Variants in CSMD2 observed in about 807,000 individuals in gnomAD.
CSMD2 encodes CUB and sushi domain-containing protein 2.
CSMD2 carries 130 observed loss-of-function variants against 398.5 expected under a neutral mutation model. That is an observed-to-expected ratio of 0.33 (90% CI 0.28 to 0.38). The LOEUF (loss-of-function observed/expected upper bound fraction) is 0.38, where lower values mean the gene tolerates loss of function less well. Among genes scored for constraint, CSMD2 ranks in the 10% least tolerant of loss-of-function variants. The pLI is 1.00. For missense variants in CSMD2, 3,829 were observed against 4,764.9 expected, an observed-to-expected ratio of 0.80 and a Z score of 5.78; for synonymous variants, 1,828 against 1,908.5, an observed-to-expected ratio of 0.96 and a Z score of 1.10.
At chr1:33,821,303 C>G (rs774071628) in intron 7 of CSMD2, among the ~76,000 whole-genome samples, 1 of 152,198 alleles carries the variant, frequency 6.6e-6, no homozygotes, top group Non-Finnish European at 1.5e-5. Flanking sequence ...GAAGCTTGGT[C>G]AGGGGGCAGC....
chr1:34,143,175 A>C (rs895789547), intron 1 of CSMD2, among the ~76,000 whole-genome samples: 7 of 152,124 alleles, frequency 4.6e-5, no homozygotes, highest in African/African-American at 1.7e-4. Context: ...AAAATCTAGC[A>C]CAGTGCCTGG....
chr1:33,754,233 G>A (rs573662724), intron 13 of CSMD2, among the ~76,000 whole-genome samples: 15 of 152,270 alleles, frequency 9.9e-5, no homozygotes, highest in African/African-American at 2.9e-4. Context: ...AATGGGGTTA[G>A]ATTCTTCATG....
intron 25 of CSMD2, among the ~76,000 whole-genome samples, chr1:33,677,779 T>C (rs1644767159): frequency 6.6e-6 from 1 of 151,520 alleles, no homozygotes; most frequent in Non-Finnish European, 1.5e-5. Context: ...TATGCAGCCA[T>C]AAAAAATGGT....
At chr1:33,908,286 C>G (rs545576731) in intron 5 of CSMD2, among the ~76,000 whole-genome samples, 3 of 152,068 alleles carry the variant, frequency 2.0e-5, no homozygotes, top group Non-Finnish European at 4.4e-5. Context: ...AAACAGAGAC[C>G]AGGAGGGGGC....
rs181242136 is a variant in CSMD2, at chr1:33,857,016, T to C, written c.921-10020A>G. Reference sequence around the variant, plus strand: ...GTAGACTCGTAGGCAAAGGGAATAATATTTACTGAGTAGAAACTAATTTGG... The same window carrying C: ...GTAGACTCGTAGGCAAAGGGAATAACATTTACTGAGTAGAAACTAATTTGG... On this transcript the variant is annotated intron_variant, in intron 5 of 70. Transcript: ENST00000373381. Among the ~76,000 whole-genome samples, 406 of 152,178 alleles carry C rather than the reference T, an allele frequency of 2.7e-3. 1 individual carries two copies. Among genetic ancestry groups the C allele is most frequent in the Non-Finnish European group, 2.9e-3 (200 of 68,018 alleles).
chr1:33,640,874 G>T (rs1387912140), intron 29 of CSMD2, among the ~76,000 whole-genome samples: 1 of 152,192 alleles, frequency 6.6e-6, no homozygotes, highest in Admixed American at 6.5e-5. Flanking sequence ...GAATAGGGGT[G>T]GTAGCAGGTG....
intron 50 of CSMD2, 28 bp downstream of exon 50, chr1:33,572,478 C>T: frequency 6.6e-7 from 1 of 1,523,396 alleles, no homozygotes; most frequent in Non-Finnish European, 8.9e-7. Context: ...CCCTTCCTTA[C>T]ACCCGCCTCC....
intron 28 of CSMD2, among the ~76,000 whole-genome samples, chr1:33,651,894 G>T (rs2148966743): frequency 6.6e-6 from 1 of 152,190 alleles, no homozygotes; most frequent in South Asian, 2.1e-4. Flanking sequence ...TTCTGTAGCA[G>T]GAATGGAAAA....
At chr1:33,626,603 A>G in intron 32 of CSMD2, 22 bp from the exon 33 acceptor site, 2 of 1,558,930 alleles carry the variant, frequency 1.3e-6, no homozygotes, top group Non-Finnish European at 8.7e-7. Flanking sequence ...AGGGGCAAGG[A>G]GGAGAGAACA....
intron 5 of CSMD2, chr1:33,862,933 A>T (rs1639654379): frequency 6.6e-6 from 1 of 152,230 alleles, no homozygotes; most frequent in Admixed American, 6.5e-5. Flanking sequence ...GTCTAGTCTT[A>T]GGCAAGTTTC....
intron 37 of CSMD2, among the ~76,000 whole-genome samples, chr1:33,619,627 G>A (rs908671785): frequency 3.3e-5 from 5 of 152,130 alleles, no homozygotes; most frequent in African/African-American, 1.2e-4. Context: ...ACAAATGCCT[G>A]TACCTTTGTA....
intron 2 of CSMD2, among the ~76,000 whole-genome samples, chr1:34,040,502 T>A (rs1287887167): frequency 6.6e-6 from 1 of 152,252 alleles, no homozygotes; most frequent in Admixed American, 6.5e-5. Context: ...CCTGACTAGA[T>A]GAAAGCACCC....
chr1:33,885,868 T>C (rs1468946770), intron 5 of CSMD2, among the ~76,000 whole-genome samples: 1 of 152,192 alleles, frequency 6.6e-6, no homozygotes, highest in Non-Finnish European at 1.5e-5. Context: ...GTCTTGGCTC[T>C]ATTACTTCCT....
chr1:33,529,642 T>C (rs2148553516), intron 64 of CSMD2, among the ~76,000 whole-genome samples: 1 of 152,192 alleles, frequency 6.6e-6, no homozygotes. Flanking sequence ...TCAAAATGGA[T>C]CAAAGACATA....
intron 3 of CSMD2, among the ~76,000 whole-genome samples, chr1:33,952,808 G>A (rs758507425): frequency 1.6e-4 from 25 of 152,054 alleles, no homozygotes; most frequent in African/African-American, 4.3e-4. Context: ...CAGTAGACAC[G>A]CAAAAACTAT....
At chr1:33,723,496 A>G (rs1056456445) in intron 19 of CSMD2, among the ~76,000 whole-genome samples, 2 of 152,228 alleles carry the variant, frequency 1.3e-5, no homozygotes, top group Non-Finnish European at 2.9e-5. Context: ...CACCGAATAC[A>G]TATTTGTTGA....
At chr1:33,721,170 C>T (rs1346591924) in intron 19 of CSMD2, among the ~76,000 whole-genome samples, 2 of 152,208 alleles carry the variant, frequency 1.3e-5, no homozygotes, top group East Asian at 3.8e-4. Flanking sequence ...GAAGTCTCAA[C>T]TCCAGGACAC....
rs140968109 is a variant in CSMD2 at position 34,026,522 on chromosome 1, C to T, written c.517+6072G>A. Among the ~76,000 whole-genome samples, 1,131 of 152,268 alleles carry T rather than the reference C, an allele frequency of 7.4e-3. 13 individuals are homozygous for T. Among genetic ancestry groups the T allele is most frequent in the African/African-American group, 0.026 (1,077 of 41,546 alleles). Reference sequence around the variant, plus strand: ...TAAGTAGATCTAACAGACTGAGACCCGACACTCAGAGATGGGCTCTCCTTC... The same window carrying T: ...TAAGTAGATCTAACAGACTGAGACCTGACACTCAGAGATGGGCTCTCCTTC... On this transcript the variant is annotated intron_variant, in intron 3 of 70. Transcript: ENST00000373381.
At chr1:33,687,239 G>T (rs921342764) in intron 25 of CSMD2, among the ~76,000 whole-genome samples, 2 of 152,192 alleles carry the variant, frequency 1.3e-5, no homozygotes, top group African/African-American at 4.8e-5. Flanking sequence ...GCAAAATGCA[G>T]TTGACACAGG....
Sources: allele counts gnomAD v4.1 joint callset (sites outside exome capture counted in the v4.1 genomes callset), GRCh38; gene constraint gnomAD v4.1.1; transcripts MANE v1.5; gene names NCBI Gene and HGNC (gene_info 2026-07-23, HGNC 2026-07-21).